Variants in CD200R1L observed in about 807,000 individuals in gnomAD.
CD200R1L encodes cell surface glycoprotein CD200 receptor 2.
A neutral mutation model predicts 24.8 loss-of-function variants in CD200R1L; 14 were observed. The observed-to-expected ratio is 0.56, with a 90% CI of 0.37 to 0.88. The LOEUF (loss-of-function observed/expected upper bound fraction) is 0.88. Among genes scored for constraint, CD200R1L ranks in the 40% least tolerant of loss-of-function variants. The pLI is 0.00. For synonymous variants in CD200R1L, 111 were observed against 109.2 expected, an observed-to-expected ratio of 1.02 and a Z score of -0.11; for missense variants, 299 against 297.8, an observed-to-expected ratio of 1.00 and a Z score of -0.03.
intron 6 of CD200R1L, among the ~76,000 whole-genome samples, chr3:112,824,951 T>C (rs1485998816): frequency 6.6e-6 from 1 of 152,134 alleles, no homozygotes; most frequent in African/African-American, 2.4e-5. Context: ...GGAAATTGCA[T>C]GTAAGGCCGG....
chr3:112,829,853 T>G (rs574397078), intron 3 of CD200R1L, among the ~76,000 whole-genome samples: 1 of 152,346 alleles, frequency 6.6e-6, no homozygotes, highest in Non-Finnish European at 1.5e-5. Context: ...CTGGAATAAT[T>G]ACTAACCAGG....
At chr3:112,842,094 G>A (rs984911842) in intron 2 of CD200R1L, among the ~76,000 whole-genome samples, 3 of 152,190 alleles carry the variant, frequency 2.0e-5, no homozygotes, top group African/African-American at 4.8e-5. Flanking sequence ...GACACAGAAG[G>A]CTTGGGACAA....
chr3:112,819,748 T>G (rs764343240), intron 7 of CD200R1L, 24 bp downstream of exon 7: 1 of 1,579,248 alleles, frequency 6.3e-7, no homozygotes, highest in African/African-American at 1.4e-5. Flanking sequence ...CTGTGTCTTA[T>G]GCTTTTCAGT....
intron 3 of CD200R1L, among the ~76,000 whole-genome samples, chr3:112,835,087 T>C (rs1254753934): frequency 6.6e-6 from 1 of 152,204 alleles, no homozygotes; most frequent in African/African-American, 2.4e-5. Context: ...CCTGTTTGTG[T>C]TACAGCTCTT....
intron 6 of CD200R1L, 64 bp from the exon 7 acceptor site, chr3:112,819,959 A>G (rs1938494467): frequency 4.9e-6 from 7 of 1,420,126 alleles, no homozygotes; most frequent in African/African-American, 4.4e-5. Flanking sequence ...ATTAGAGTCA[A>G]TCATTTTAAA....
At chr3:112,841,667 C>A (rs1047882215) in intron 2 of CD200R1L, among the ~76,000 whole-genome samples, 7 of 152,192 alleles carry the variant, frequency 4.6e-5, no homozygotes, top group African/African-American at 1.7e-4. Flanking sequence ...TGTCCACCAG[C>A]CCCACCCAAG....
At chr3:112,839,235 A>C (rs1035528569) in intron 2 of CD200R1L, among the ~76,000 whole-genome samples, 3 of 152,208 alleles carry the variant, frequency 2.0e-5, no homozygotes, top group Non-Finnish European at 2.9e-5. Context: ...GGAATTGGTC[A>C]TCTAATCTAG....
chr3:112,834,735 C>A (rs571478998), intron 3 of CD200R1L, among the ~76,000 whole-genome samples: 1 of 152,312 alleles, frequency 6.6e-6, no homozygotes, highest in South Asian at 2.1e-4. Context: ...CAAGGACGAG[C>A]CAGGCACAGA....
At chr3:112,831,909 G>A (rs1412579999) in intron 3 of CD200R1L, among the ~76,000 whole-genome samples, 1 of 152,134 alleles carries the variant, frequency 6.6e-6, no homozygotes, top group Non-Finnish European at 1.5e-5. Context: ...TCATGCTAAG[G>A]CACCAGTAAT....
At chr3:112,839,352 A>G (rs1164722556) in intron 2 of CD200R1L, among the ~76,000 whole-genome samples, 1 of 152,202 alleles carries the variant, frequency 6.6e-6, no homozygotes, top group Non-Finnish European at 1.5e-5. Flanking sequence ...CAACTGGATA[A>G]TCCTAGTCAA....
intron 4 of CD200R1L, among the ~76,000 whole-genome samples, chr3:112,828,662 G>A (rs780840622): frequency 6.6e-6 from 1 of 152,106 alleles, no homozygotes; most frequent in African/African-American, 2.4e-5. Flanking sequence ...AGGTGTAAAT[G>A]TAGAAGTCGA....
At chr3:112,835,285 G>C (rs1349796552) in intron 3 of CD200R1L, among the ~76,000 whole-genome samples, 1 of 152,166 alleles carries the variant, frequency 6.6e-6, no homozygotes, top group Non-Finnish European at 1.5e-5. Flanking sequence ...GTTCCTAGTA[G>C]AGAAGAAACC....
intron 6 of CD200R1L, among the ~76,000 whole-genome samples, chr3:112,821,328 A>G (rs986708254): frequency 1.3e-5 from 2 of 152,256 alleles, no homozygotes; most frequent in African/African-American, 4.8e-5. Context: ...ATATGAAAGA[A>G]AAATAAAAGC....
chr3:112,845,205 A>T (rs961908555), intron 2 of CD200R1L, among the ~76,000 whole-genome samples: 4 of 152,190 alleles, frequency 2.6e-5, no homozygotes, highest in Admixed American at 2.0e-4. Flanking sequence ...CACAGGTGAC[A>T]TTACAATTGA....
chr3:112,843,847 G>C (rs1250352724), intron 2 of CD200R1L, among the ~76,000 whole-genome samples: 1 of 152,120 alleles, frequency 6.6e-6, no homozygotes, highest in Non-Finnish European at 1.5e-5. Flanking sequence ...GAAAGTAAAG[G>C]GGTGGAAAAA....
At chr3:112,828,456 G>A (rs1041079663) in intron 4 of CD200R1L, among the ~76,000 whole-genome samples, 15 of 152,032 alleles carry the variant, frequency 9.9e-5, no homozygotes, top group African/African-American at 3.6e-4. Context: ...AAAGTAGTGT[G>A]GCATATAATT....
At chr3:112,839,844 T>A (rs1020047780) in intron 2 of CD200R1L, among the ~76,000 whole-genome samples, 3 of 152,184 alleles carry the variant, frequency 2.0e-5, no homozygotes, top group African/African-American at 7.2e-5. Flanking sequence ...GAAACTGTAA[T>A]GATTTTTCTT....
intron 6 of CD200R1L, among the ~76,000 whole-genome samples, chr3:112,825,985 G>A (rs1938647892): frequency 6.6e-6 from 1 of 152,112 alleles, no homozygotes; most frequent in Non-Finnish European, 1.5e-5. Context: ...TTTTGGGGGT[G>A]ATAAATATGC....
intron 6 of CD200R1L, among the ~76,000 whole-genome samples, chr3:112,820,956 C>G (rs375173235): frequency 2.0e-5 from 3 of 150,700 alleles, no homozygotes; most frequent in African/African-American, 7.3e-5. Flanking sequence ...ACTCGGGAGG[C>G]GGAGGCAGGA....
Sources: allele counts gnomAD v4.1 joint callset (sites outside exome capture counted in the v4.1 genomes callset), GRCh38; gene constraint gnomAD v4.1.1; transcripts MANE v1.5; gene names NCBI Gene and HGNC (gene_info 2026-07-23, HGNC 2026-07-21).